The following SPAG16 variants were observed in gnomAD, a reference collection of about 807,000 sequenced individuals.
SPAG16 encodes sperm associated antigen 16.
SPAG16 carries 86 observed loss-of-function variants against 80.4 expected under a neutral mutation model. The ratio of observed to expected loss-of-function variants is 1.07; its 90% CI spans 0.90 to 1.28. The LOEUF (loss-of-function observed/expected upper bound fraction) is 1.28. Ranked by LOEUF, SPAG16 falls within the 50% of genes most tolerant of loss-of-function variation. SPAG16 has a pLI of 0.00. For synonymous variants in SPAG16, 294 were observed against 265.9 expected, an observed-to-expected ratio of 1.11 and a Z score of -1.03; for missense variants, 870 against 765.3, an observed-to-expected ratio of 1.14 and a Z score of -1.61.
intron 10 of SPAG16, among the ~76,000 whole-genome samples, chr2:213,857,863 C>G (rs1053241642): frequency 1.3e-5 from 2 of 152,132 alleles, no homozygotes; most frequent in African/African-American, 4.8e-5. Flanking sequence ...TAAACATTAA[C>G]AGAAGTTTGA....
chr2:214,349,252 G>T (rs2126045460), intron 15 of SPAG16, among the ~76,000 whole-genome samples: 1 of 152,260 alleles, frequency 6.6e-6, no homozygotes, highest in South Asian at 2.1e-4. Context: ...AAAAAAGAAG[G>T]AATGAAACTG....
intron 15 of SPAG16, among the ~76,000 whole-genome samples, chr2:214,388,627 A>G (rs1380290747): frequency 6.6e-6 from 1 of 152,164 alleles, no homozygotes; most frequent in African/African-American, 2.4e-5. Flanking sequence ...GTGTCTGATC[A>G]TTTTTTAGAC....
intron 12 of SPAG16, among the ~76,000 whole-genome samples, chr2:213,988,769 T>C (rs1051525372): frequency 1.3e-5 from 2 of 151,834 alleles, no homozygotes; most frequent in Non-Finnish European, 2.9e-5. Context: ...TGTTGAAAAC[T>C]ACAAAACACT....
At chr2:213,354,786 G>A (rs2065535517) in intron 7 of SPAG16, among the ~76,000 whole-genome samples, 1 of 152,108 alleles carries the variant, frequency 6.6e-6, no homozygotes, top group Non-Finnish European at 1.5e-5. Context: ...TGGGTAGATG[G>A]CAAAAATTTT....
intron 15 of SPAG16, among the ~76,000 whole-genome samples, chr2:214,302,200 T>A (rs1694601669): frequency 6.6e-6 from 1 of 152,204 alleles, no homozygotes; most frequent in Non-Finnish European, 1.5e-5. Flanking sequence ...TAGGCAAATA[T>A]GTAATTATTT....
chr2:213,412,788 A>G (rs1303907703), intron 9 of SPAG16, among the ~76,000 whole-genome samples: 1 of 152,232 alleles, frequency 6.6e-6, no homozygotes, highest in African/African-American at 2.4e-5. Flanking sequence ...ATAGAAGAGT[A>G]AGAGGAGAAT....
At chr2:213,419,352 T>C (rs2069455725) in intron 9 of SPAG16, among the ~76,000 whole-genome samples, 1 of 152,218 alleles carries the variant, frequency 6.6e-6, no homozygotes, top group Admixed American at 6.5e-5. Flanking sequence ...ATTAAATATT[T>C]TAGCCGTTGC....
chr2:214,283,284 T>C (rs919767116), intron 15 of SPAG16, among the ~76,000 whole-genome samples: 7 of 152,056 alleles, frequency 4.6e-5, no homozygotes, highest in Non-Finnish European at 1.0e-4. Context: ...TGTAAAGACT[T>C]TGGTCTCTTC....
Position 213,310,159 on chromosome 2 carries a change from A to T in SPAG16, c.380A>T (p.Asp127Val). 1 of 1,607,090 alleles carries T rather than the reference A, an allele frequency of 6.2e-7. No individual in the cohort carries two copies. The highest frequency in any genetic ancestry group is 1.3e-5 in the African/African-American group (1 of 74,758). Residue 127 changes from aspartate (D) to valine (V), a missense_variant, in exon 4 of 16, where the codon GAT becomes GTT. Transcript: ENST00000331683. Reference protein sequence around the residue: ...LIKMGMTRTLDCFQSEWYELI... With the variant: ...LIKMGMTRTLVCFQSEWYELI... Reference sequence around the variant, plus strand: ...AAAATGGGAATGACCAGAACTCTTGATTGCTTTCAGTCTGAATGGTAAACA... The same window carrying T: ...AAAATGGGAATGACCAGAACTCTTGTTTGCTTTCAGTCTGAATGGTAAACA...
chr2:214,250,788 A>AGAGAGAGAGAGT (rs1358000959), intron 15 of SPAG16, among the ~76,000 whole-genome samples: 1 of 144,282 alleles, frequency 6.9e-6, no homozygotes, highest in South Asian at 2.2e-4. Context: ...AGAGAGAGAG[A>AGAGAGAGAGAGT]GTCAAACTTT....
At position 214,331,864 on chromosome 2, in the gene SPAG16, C is replaced by T. The variant is rs191525925; in HGVS notation, c.1721-78276C>T. On this transcript the variant is annotated intron_variant, in intron 15 of 15. Coordinates refer to ENST00000331683, the MANE Select transcript of SPAG16 (RefSeq NM_024532.5). ...CTTCTGATAATGGAGCTGGCTAAAG[C>T]TTTGTGTGCAGAAAATGCAGACCCA... 2.6e-5 allele frequency among the ~76,000 whole-genome samples: 4 copies of T among 152,300 alleles called. No individual in the cohort carries two copies. The East Asian group carries it at 7.7e-4, about 29-fold the overall frequency.
At chr2:213,885,455 C>G (rs931326689) in intron 11 of SPAG16, among the ~76,000 whole-genome samples, 1 of 152,244 alleles carries the variant, frequency 6.6e-6, no homozygotes, top group East Asian at 1.9e-4. Flanking sequence ...ATTTTGTTTC[C>G]TTAAACTTTA....
At chr2:213,302,661 T>TATGTGTGTGTGTGTG in intron 3 of SPAG16, 1 of 96,530 alleles carries the variant, frequency 1.0e-5, no homozygotes, top group South Asian at 2.5e-4. Flanking sequence ...GTGTGTGTGT[T>TATGTGTGTGTGTGTG]GTGTATAAAT....
chr2:214,032,673 C>T (rs926184040), intron 13 of SPAG16, among the ~76,000 whole-genome samples: 1 of 151,624 alleles, frequency 6.6e-6, no homozygotes, highest in African/African-American at 2.4e-5. Flanking sequence ...GTTGTAAGGC[C>T]TTGGTAAAGA....
intron 15 of SPAG16, among the ~76,000 whole-genome samples, chr2:214,232,789 T>C (rs1472888021): frequency 6.6e-6 from 1 of 152,118 alleles, no homozygotes; most frequent in East Asian, 1.9e-4. Context: ...CCACCTTACA[T>C]AAAAACAGCA....
intron 10 of SPAG16, among the ~76,000 whole-genome samples, chr2:213,672,174 AT>A (rs57118142): frequency 0.024 from 3,472 of 147,102 alleles, 133 homozygotes; most frequent in African/African-American, 0.077. Context: ...AATTTCTTTG[AT>A]TTTTTTTTTT....
intron 14 of SPAG16, among the ~76,000 whole-genome samples, chr2:214,122,380 C>T (rs2372223): frequency 0.69 from 104,125 of 151,540 alleles, 36,226 homozygotes; most frequent in Non-Finnish European, 0.74. Context: ...CCTAAGTTGC[C>T]GGTAAGTAGA....
At chr2:213,950,909 C>G (rs777508736) in intron 12 of SPAG16, among the ~76,000 whole-genome samples, 12 of 151,606 alleles carry the variant, frequency 7.9e-5, no homozygotes, top group Admixed American at 2.0e-4. Flanking sequence ...GACAGTGTCT[C>G]TCTATGTTGC....
intron 12 of SPAG16, among the ~76,000 whole-genome samples, chr2:213,987,184 C>G (rs1156981907): frequency 6.6e-6 from 1 of 152,062 alleles, no homozygotes; most frequent in Non-Finnish European, 1.5e-5. Context: ...TTTGTTCATT[C>G]ATTCAGTTTA....
Sources: allele counts gnomAD v4.1 joint callset (sites outside exome capture counted in the v4.1 genomes callset), GRCh38; gene constraint gnomAD v4.1.1; transcripts MANE v1.5; gene names NCBI Gene and HGNC (gene_info 2026-07-23, HGNC 2026-07-21).